The following KSR2 variants were observed in gnomAD, a reference collection of about 807,000 sequenced individuals.
The protein encoded by KSR2 is kinase suppressor of ras 2.
In KSR2, 25 loss-of-function variants were observed where a neutral mutation model predicts 107.8. The observed-to-expected ratio is 0.23, with a 90% confidence interval of 0.17 to 0.32. KSR2 has a LOEUF of 0.32. KSR2 is among the 10% of genes least tolerant of loss of function. The probability of loss-of-function intolerance (pLI) is 1.00; values close to 1 mark genes in which losing one functional copy is unlikely to be tolerated. For missense variants in KSR2, 887 were observed against 1,268.9 expected (o/e 0.70, Z 4.57); for synonymous variants, 480 against 507.0 (o/e 0.95, Z 0.71).
chr12:117,732,752 T>C (rs1593179878), intron 4 of KSR2, among the ~76,000 whole-genome samples: 1 of 152,144 alleles, frequency 6.6e-6, no homozygotes, highest in East Asian at 1.9e-4. Flanking sequence ...GCCTCTAGCC[T>C]AAGGGGAACA....
At chr12:117,692,169 A>C (rs774376857) in intron 4 of KSR2, among the ~76,000 whole-genome samples, 1 of 152,144 alleles carries the variant, frequency 6.6e-6, no homozygotes, top group Non-Finnish European at 1.5e-5. Context: ...TCTCCGAAGG[A>C]GATACATAAA....
intron 7 of KSR2, among the ~76,000 whole-genome samples, chr12:117,572,269 C>G (rs1396311927): frequency 1.3e-5 from 2 of 152,176 alleles, no homozygotes; most frequent in African/African-American, 4.8e-5. Context: ...TTACTGCATC[C>G]ACCCGACCTT....
chr12:117,499,359 C>T (rs375800473), intron 14 of KSR2, among the ~76,000 whole-genome samples: 2 of 152,104 alleles, frequency 1.3e-5, no homozygotes, highest in Non-Finnish European at 2.9e-5. Flanking sequence ...TCTTTCTTTC[C>T]TAATTTTTCC....
chr12:117,870,838 C>A (rs1201894916), intron 1 of KSR2, among the ~76,000 whole-genome samples: 1 of 152,088 alleles, frequency 6.6e-6, no homozygotes, highest in Non-Finnish European at 1.5e-5. Context: ...GGGACAGTGG[C>A]CTTGAGTTCT....
At chr12:117,758,257 A>G (rs893303955) in intron 4 of KSR2, among the ~76,000 whole-genome samples, 3 of 152,176 alleles carry the variant, frequency 2.0e-5, no homozygotes, top group Admixed American at 2.0e-4. Context: ...ACTCACCTCA[A>G]CTAACGCCTC....
At chr12:117,918,373 T>G (rs1271810560) in intron 1 of KSR2, among the ~76,000 whole-genome samples, 2 of 152,242 alleles carry the variant, frequency 1.3e-5, no homozygotes, top group African/African-American at 4.8e-5. Context: ...GCCCCAGTCT[T>G]GATAGCCAAC....
At chr12:117,940,529 T>C (rs1018670606) in intron 1 of KSR2, among the ~76,000 whole-genome samples, 37 of 152,206 alleles carry the variant, frequency 2.4e-4, no homozygotes, top group African/African-American at 8.7e-4. Flanking sequence ...TTCTTATTTT[T>C]CCCAGGGATT....
chr12:117,591,431 G>A (rs1001699049), intron 5 of KSR2, among the ~76,000 whole-genome samples: 3 of 152,066 alleles, frequency 2.0e-5, no homozygotes, highest in Non-Finnish European at 4.4e-5. Context: ...GCTGAGACCT[G>A]GGGGAGTCTT....
At chr12:117,954,473 C>T (rs1896450614) in intron 1 of KSR2, among the ~76,000 whole-genome samples, 2 of 152,232 alleles carry the variant, frequency 1.3e-5, no homozygotes, top group African/African-American at 4.8e-5. Flanking sequence ...TGTCAGGAAT[C>T]CTGTTCCCTT....
chr12:117,717,542 A>G (rs1442117228), intron 4 of KSR2, among the ~76,000 whole-genome samples: 1 of 152,110 alleles, frequency 6.6e-6, no homozygotes, highest in East Asian at 1.9e-4. Flanking sequence ...AAAAATTAAA[A>G]AAAGAGGGCC....
chr12:117,914,412 G>C (rs188156677), intron 1 of KSR2, among the ~76,000 whole-genome samples: 1 of 138,340 alleles, frequency 7.2e-6, no homozygotes, highest in East Asian at 2.3e-4. Flanking sequence ...TTGGGCGACA[G>C]AGTGAGACTG....
chr12:117,865,489 A>T (rs144764879), intron 1 of KSR2, among the ~76,000 whole-genome samples: 1 of 152,278 alleles, frequency 6.6e-6, no homozygotes, highest in African/African-American at 2.4e-5. Context: ...GGTCCCTTTA[A>T]AAAATAATAA....
intron 4 of KSR2, among the ~76,000 whole-genome samples, chr12:117,678,077 G>A (rs1274431695): frequency 6.6e-6 from 1 of 151,324 alleles, no homozygotes; most frequent in African/African-American, 2.4e-5. Context: ...TGGGATTATA[G>A]GCATGTGCCA....
intron 4 of KSR2, among the ~76,000 whole-genome samples, chr12:117,712,559 T>C (rs945911617): frequency 2.0e-5 from 3 of 152,204 alleles, no homozygotes; most frequent in African/African-American, 7.2e-5. Flanking sequence ...AATGGGGCAA[T>C]GAGCTTGGTC....
At chr12:117,616,696 C>T (rs1881910398) in intron 5 of KSR2, among the ~76,000 whole-genome samples, 1 of 152,196 alleles carries the variant, frequency 6.6e-6, no homozygotes, top group South Asian at 2.1e-4. Flanking sequence ...TGTATCACAG[C>T]CCAACTTCTC....
chr12:117,595,280 G>A (rs528413914), intron 5 of KSR2, among the ~76,000 whole-genome samples: 2 of 151,588 alleles, frequency 1.3e-5, no homozygotes, highest in Admixed American at 1.3e-4. Flanking sequence ...ATATTCTCCT[G>A]GGTATAAACA....
chr12:117,621,580 G>GC (rs1357478763), intron 5 of KSR2, among the ~76,000 whole-genome samples: 4 of 152,140 alleles, frequency 2.6e-5, no homozygotes, highest in Admixed American at 1.3e-4. Context: ...CTGGTACAGA[G>GC]CAAGAATTTA....
intron 5 of KSR2, among the ~76,000 whole-genome samples, chr12:117,649,767 CAG>C (rs753310569): frequency 7.9e-5 from 12 of 152,186 alleles, no homozygotes; most frequent in Non-Finnish European, 8.8e-5. Context: ...AGAGGAGTGT[CAG>C]GGGATGGGAG....
chr12:117,710,600 G>A (rs1160123838), intron 4 of KSR2, among the ~76,000 whole-genome samples: 2 of 152,132 alleles, frequency 1.3e-5, no homozygotes, highest in Non-Finnish European at 2.9e-5. Flanking sequence ...CCAGCCGTAT[G>A]GGTGGGGTTT....
Sources: allele counts gnomAD v4.1 joint callset (sites outside exome capture counted in the v4.1 genomes callset), GRCh38; gene constraint gnomAD v4.1.1; transcripts MANE v1.5; gene names NCBI Gene and HGNC (gene_info 2026-07-23, HGNC 2026-07-21).